CASD1: variants seen among roughly 807,000 people sequenced by gnomAD.
The protein encoded by CASD1 is CAS1 domain sialic acid O acetyltransferase 1, also known as N-acetylneuraminate (7)9-O-acetyltransferase.
A neutral mutation model predicts 100.0 loss-of-function variants in CASD1; 41 were observed. That is an observed-to-expected ratio of 0.41 (90% CI 0.32 to 0.53). CASD1 has a LOEUF of 0.53. Ranked by LOEUF, CASD1 falls within the 20% of genes least tolerant of loss-of-function variation. The probability of loss-of-function intolerance (pLI) is 0.25; values close to 1 mark genes in which losing one functional copy is unlikely to be tolerated. For synonymous variants in CASD1, 321 were observed against 315.6 expected (o/e 1.02, Z -0.18); for missense variants, 774 against 948.7 (o/e 0.82, Z 2.42).
the CASD1 span, chr7:94,628,633 T>C: frequency 1.8e-5 from 7 of 395,992 alleles, no homozygotes; most frequent in South Asian, 2.6e-5. Context: ...AACAGTGATA[T>C]AGTTCTGCCA....
chr7:94,569,484 T>TTTTTAAAAA, the CASD1 span, among the ~76,000 whole-genome samples: 1 of 152,208 alleles, frequency 6.6e-6, no homozygotes, highest in Non-Finnish European at 1.5e-5. Flanking sequence ...AGACAGGGTC[T>TTTTTAAAAA]CACTCTGTCA....
chr7:94,588,248 A>T, the CASD1 span: 2 of 1,039,846 alleles, frequency 1.9e-6, no homozygotes, highest in Non-Finnish European at 2.3e-6. Context: ...CTTTAAAACC[A>T]GGCCAGCCAT....
At chr7:94,629,245 C>T in the CASD1 span, 31 of 154,446 alleles carry the variant, frequency 2.0e-4, no homozygotes, top group African/African-American at 7.2e-4. Context: ...ATTGGTATCA[C>T]TTAAAAGGAA....
At position 94,543,136 on chromosome 7, in the gene CASD1, A is replaced by G. The variant is rs1795498156; in HGVS notation, c.1357-1275A>G. Among the ~76,000 whole-genome samples the G allele has an allele frequency of 2.0e-5, 3 of 152,202 alleles. No homozygotes were observed. In the South Asian group the frequency reaches 6.2e-4, roughly 32 times the overall value. ...GACTTGACAAAGGAGTACAAGAAGT[A>G]TCAGTTTAAGAGATAGGGAATCTGT... On this transcript the variant is annotated intron_variant, in intron 10 of 17. Transcript: ENST00000297273.
At chr7:94,576,244 T>A in the CASD1 span, among the ~76,000 whole-genome samples, 4 of 152,244 alleles carry the variant, frequency 2.6e-5, no homozygotes, top group African/African-American at 9.6e-5. Flanking sequence ...TGATTCTTTC[T>A]GCTGCCTGCT....
chr7:94,586,774 T>C, the CASD1 span: 1 of 942,112 alleles, frequency 1.1e-6, no homozygotes, highest in Non-Finnish European at 1.3e-6. Context: ...AGTGCTGGGA[T>C]TACAGGTGTG....
chr7:94,579,616 A>G, the CASD1 span, among the ~76,000 whole-genome samples: 1 of 152,194 alleles, frequency 6.6e-6, no homozygotes, highest in African/African-American at 2.4e-5. Flanking sequence ...GCAAATATCC[A>G]ACTTCATGTA....
chr7:94,613,860 C>G, the CASD1 span, among the ~76,000 whole-genome samples: 2 of 152,086 alleles, frequency 1.3e-5, no homozygotes, highest in Non-Finnish European at 2.9e-5. Flanking sequence ...CAGCACAAAA[C>G]TTCCTGCCTT....
At chr7:94,575,460 G>A in the CASD1 span, among the ~76,000 whole-genome samples, 1 of 152,130 alleles carries the variant, frequency 6.6e-6, no homozygotes, top group African/African-American at 2.4e-5. Context: ...ATTGTTGTAT[G>A]TTCAATTATA....
At chr7:94,538,275 A>G (rs1274867799) in intron 9 of CASD1, among the ~76,000 whole-genome samples, 3 of 152,312 alleles carry the variant, frequency 2.0e-5, no homozygotes, top group African/African-American at 7.2e-5. Context: ...ATGCCTATGC[A>G]CACAAACATA....
At chr7:94,576,093 C>T in the CASD1 span, among the ~76,000 whole-genome samples, 10 of 152,274 alleles carry the variant, frequency 6.6e-5, no homozygotes, top group South Asian at 1.5e-3. Flanking sequence ...TCTCTCTTCT[C>T]CTTCTGAGAT....
the CASD1 span, among the ~76,000 whole-genome samples, chr7:94,577,966 T>C: frequency 1.6e-4 from 25 of 152,238 alleles, no homozygotes; most frequent in African/African-American, 5.5e-4. Context: ...GTTTTCACCA[T>C]GATTGCAGAA....
the CASD1 span, among the ~76,000 whole-genome samples, chr7:94,614,961 G>T: frequency 6.6e-6 from 1 of 152,032 alleles, no homozygotes; most frequent in South Asian, 2.1e-4. Flanking sequence ...ATTGATACAG[G>T]TTTCCAATTT....
intron 3 of CASD1, chr7:94,524,279 A>T (rs1401190905): frequency 1.3e-5 from 2 of 152,160 alleles, no homozygotes; most frequent in East Asian, 3.8e-4. Flanking sequence ...GATACCTTAA[A>T]GAAAAAAGAT....
the CASD1 span, among the ~76,000 whole-genome samples, chr7:94,565,310 G>A: frequency 1.2e-4 from 19 of 152,064 alleles, no homozygotes; most frequent in South Asian, 4.2e-4. Context: ...TAAATTTAGC[G>A]TAATAGACCT....
chr7:94,576,042 A>G, the CASD1 span, among the ~76,000 whole-genome samples: 1 of 152,030 alleles, frequency 6.6e-6, no homozygotes, highest in Non-Finnish European at 1.5e-5. Flanking sequence ...AGTTTTGGCC[A>G]TTGTTTCTTG....
chr7:94,530,864 G>A (rs1432574631), intron 5 of CASD1, among the ~76,000 whole-genome samples: 1 of 152,048 alleles, frequency 6.6e-6, no homozygotes, highest in Non-Finnish European at 1.5e-5. Flanking sequence ...GAAAACCAAG[G>A]GAGGAAGGAC....
chr7:94,590,452 G>T, the CASD1 span: 1 of 152,108 alleles, frequency 6.6e-6, no homozygotes, highest in Non-Finnish European at 1.5e-5. Context: ...ATTTTGTTTA[G>T]TATCCTCAGC....
At chr7:94,632,253 C>T in the CASD1 span, among the ~76,000 whole-genome samples, 1 of 151,956 alleles carries the variant, frequency 6.6e-6, no homozygotes, top group Non-Finnish European at 1.5e-5. Flanking sequence ...TTCTACATTG[C>T]CCTCCACAGG....
Sources: allele counts gnomAD v4.1 joint callset (sites outside exome capture counted in the v4.1 genomes callset), GRCh38; gene constraint gnomAD v4.1.1; transcripts MANE v1.5; gene names NCBI Gene and HGNC (gene_info 2026-07-23, HGNC 2026-07-21).